Variants in HS3ST4 observed in about 807,000 individuals in gnomAD.
HS3ST4 encodes heparan sulfate glucosamine 3-O-sulfotransferase 4.
A neutral mutation model predicts 29.2 loss-of-function variants in HS3ST4; 17 were observed. That is an observed-to-expected ratio of 0.58 (90% CI 0.40 to 0.87). HS3ST4 has a LOEUF of 0.87. Among genes scored for constraint, HS3ST4 ranks in the 40% least tolerant of loss-of-function variants. The pLI, the probability that HS3ST4 is intolerant of heterozygous loss-of-function variation, is 0.00. For missense variants in HS3ST4, 627 were observed against 634.5 expected, an observed-to-expected ratio of 0.99 and a Z score of 0.13; for synonymous variants, 314 against 285.7, an observed-to-expected ratio of 1.10 and a Z score of -1.00.
intron 1 of HS3ST4, among the ~76,000 whole-genome samples, chr16:25,729,077 T>C (rs1966554882): frequency 6.6e-6 from 1 of 151,516 alleles, no homozygotes; most frequent in Non-Finnish European, 1.5e-5. Context: ...AACAAGACCT[T>C]ATCTTGAAAA....
At chr16:25,741,283 A>G (rs746421964) in intron 1 of HS3ST4, among the ~76,000 whole-genome samples, 42 of 150,894 alleles carry the variant, frequency 2.8e-4, no homozygotes, top group South Asian at 8.4e-4. Flanking sequence ...TTGTTTTTGC[A>G]TAAAGAAATG....
rs72780056 is a variant in HS3ST4 at position 26,110,598 on chromosome 16, C to T, written c.735-25014C>T. ...CCAAATAATGTCAAGAATCTTCCCA[C>T]TTCACCGCTCTCATCGTTCTCTCTT... On this transcript the variant is annotated intron_variant, in intron 1 of 1. Transcript: ENST00000331351. Among the ~76,000 whole-genome samples the T allele has an allele frequency of 6.2e-3, 940 of 152,346 alleles. 5 individuals are homozygous for T. Among genetic ancestry groups the T allele is most frequent in the Middle Eastern group, 0.017 (5 of 294 alleles).
intron 1 of HS3ST4, among the ~76,000 whole-genome samples, chr16:26,016,782 A>T (rs1252669062): frequency 4.6e-5 from 7 of 152,236 alleles, no homozygotes; most frequent in Non-Finnish European, 1.0e-4. Context: ...TGAAGAAGAT[A>T]TTAAGTGAGT....
chr16:25,788,042 C>T (rs1200716064), intron 1 of HS3ST4, among the ~76,000 whole-genome samples: 1 of 152,086 alleles, frequency 6.6e-6, no homozygotes, highest in Non-Finnish European at 1.5e-5. Context: ...CAACTTACCA[C>T]CTCAAGCAAA....
chr16:25,893,580 C>G (rs1200529024), intron 1 of HS3ST4, among the ~76,000 whole-genome samples: 1 of 152,242 alleles, frequency 6.6e-6, no homozygotes, highest in East Asian at 1.9e-4. Flanking sequence ...TCCCATTGGC[C>G]AGCTTTGAGC....
chr16:26,070,634 T>C (rs1489207530), intron 1 of HS3ST4, among the ~76,000 whole-genome samples: 2 of 152,234 alleles, frequency 1.3e-5, no homozygotes, highest in African/African-American at 4.8e-5. Flanking sequence ...AAAAATTTCC[T>C]GGATGATCGT....
chr16:25,970,616 C>T (rs553030215), intron 1 of HS3ST4, among the ~76,000 whole-genome samples: 1 of 152,066 alleles, frequency 6.6e-6, no homozygotes, highest in Non-Finnish European at 1.5e-5. Flanking sequence ...CTCAGGCAAT[C>T]CCCTTGTCTT....
chr16:26,086,457 C>A lies in HS3ST4; in HGVS notation c.735-49155C>A, dbSNP rs192361088. ...CTCCGCCTCCCAAGTTCATGCCATT[C>A]TCCTGCCTCAGCCTCCCGAGTAGCT... On this transcript the variant is annotated intron_variant, in intron 1 of 1. Coordinates refer to ENST00000331351, the MANE Select transcript of HS3ST4 (RefSeq NM_006040.3). Among the ~76,000 whole-genome samples the A allele has an allele frequency of 5.9e-3, 892 of 152,128 alleles. 7 individuals are homozygous for A. The highest frequency in any genetic ancestry group is 0.018 in the African/African-American group (754 of 41,484).
chr16:26,102,781 G>T (rs1304825428), intron 1 of HS3ST4, among the ~76,000 whole-genome samples: 1 of 152,182 alleles, frequency 6.6e-6, no homozygotes, highest in African/African-American at 2.4e-5. Flanking sequence ...GTCCATTTCA[G>T]TTGCAGCAAG....
At chr16:26,061,726 G>A (rs1363971739) in intron 1 of HS3ST4, among the ~76,000 whole-genome samples, 1 of 152,146 alleles carries the variant, frequency 6.6e-6, no homozygotes, top group African/African-American at 2.4e-5. Context: ...ATGTCATCAG[G>A]CTTTGTTTCT....
At chr16:25,918,467 C>T (rs986876452) in intron 1 of HS3ST4, among the ~76,000 whole-genome samples, 6 of 152,174 alleles carry the variant, frequency 3.9e-5, no homozygotes, top group African/African-American at 1.4e-4. Flanking sequence ...GTTAAGCATG[C>T]ATGTGCACAA....
intron 1 of HS3ST4, among the ~76,000 whole-genome samples, chr16:26,129,199 A>G (rs1899386167): frequency 6.6e-6 from 1 of 152,192 alleles, no homozygotes; most frequent in Non-Finnish European, 1.5e-5. Flanking sequence ...ATTTCTAGGG[A>G]TTCTGGTCTG....
At chr16:26,133,496 A>G (rs1417188018) in intron 1 of HS3ST4, among the ~76,000 whole-genome samples, 1 of 152,184 alleles carries the variant, frequency 6.6e-6, no homozygotes, top group African/African-American at 2.4e-5. Context: ...CATTCAAACT[A>G]CTTTGGAGAA....
intron 1 of HS3ST4, among the ~76,000 whole-genome samples, chr16:25,960,904 G>C (rs370655162): frequency 6.6e-6 from 1 of 152,270 alleles, no homozygotes; most frequent in South Asian, 2.1e-4. Flanking sequence ...GCTAACTGGA[G>C]GTAGGAAGGT....
At chr16:26,018,982 T>G (rs1969386442) in intron 1 of HS3ST4, among the ~76,000 whole-genome samples, 1 of 152,228 alleles carries the variant, frequency 6.6e-6, no homozygotes, top group Non-Finnish European at 1.5e-5. Context: ...GCCTGGCTCC[T>G]GCCACTATGT....
intron 1 of HS3ST4, among the ~76,000 whole-genome samples, chr16:26,051,110 C>A (rs1898337028): frequency 6.6e-6 from 1 of 151,990 alleles, no homozygotes; most frequent in African/African-American, 2.4e-5. Context: ...TAATAATGAG[C>A]CCAACAAGCG....
At chr16:25,903,262 TGAA>T (rs917535125) in intron 1 of HS3ST4, among the ~76,000 whole-genome samples, 3 of 140,050 alleles carry the variant, frequency 2.1e-5, no homozygotes, top group African/African-American at 8.2e-5. Flanking sequence ...TACAGGAAGA[TGAA>T]GAATATACGT....
rs116192861 is a variant in HS3ST4, at chr16:25,835,892, T to G, written c.734+142741T>G. 3.3e-3 allele frequency among the ~76,000 whole-genome samples: 496 copies of G among 152,220 alleles called. 2 individuals carry two copies. Among genetic ancestry groups the G allele is most frequent in the African/African-American group, 0.011 (459 of 41,534 alleles). Reference sequence around the variant, plus strand: ...GCGAGCAACAGAAATTGACGCTGGCTCACTGAAGCAGAAGAGAACTTAGTG... The same window carrying G: ...GCGAGCAACAGAAATTGACGCTGGCGCACTGAAGCAGAAGAGAACTTAGTG... On this transcript the variant is annotated intron_variant, in intron 1 of 1. Coordinates refer to ENST00000331351, the MANE Select transcript of HS3ST4 (RefSeq NM_006040.3).
intron 1 of HS3ST4, among the ~76,000 whole-genome samples, chr16:25,878,562 G>C (rs1401551588): frequency 3.3e-5 from 5 of 152,108 alleles, no homozygotes; most frequent in Non-Finnish European, 7.4e-5. Context: ...TCACGCTATG[G>C]ACTAGTATTG....
Sources: gnomAD v4.1 joint callset for allele counts (sites outside exome capture counted in the v4.1 genomes callset) on GRCh38, gnomAD v4.1.1 for gene constraint, MANE v1.5 for transcripts, NCBI Gene and HGNC (gene_info 2026-07-23, HGNC 2026-07-21) for gene names.